The following NUP98 variants were observed in gnomAD, a reference collection of about 807,000 sequenced individuals.
The protein encoded by NUP98 is nuclear pore complex protein Nup98-Nup96.
Under a neutral mutation model 191.9 loss-of-function variants are expected in NUP98, and 26 were observed. That is an observed-to-expected ratio of 0.14 (90% CI 0.10 to 0.19). The LOEUF is 0.19. NUP98 is among the 10% of genes least tolerant of loss of function. The pLI is 1.00. For synonymous variants in NUP98, 808 were observed against 778.4 expected, an observed-to-expected ratio of 1.04 and a Z score of -0.63; for missense variants, 1,941 against 2,178.8, an observed-to-expected ratio of 0.89 and a Z score of 2.17.
At chr11:3,688,132 C>T (rs1264827034) in intron 28 of NUP98, among the ~76,000 whole-genome samples, 7 of 151,884 alleles carry the variant, frequency 4.6e-5, no homozygotes, top group Admixed American at 2.0e-4. Context: ...TGGCCGGGCA[C>T]GGTGGCTCAC....
rs36045405 is a variant in NUP98, at chr11:3,729,543, C to CAAAA, written c.1730+1844_1730+1847dup. Among the ~76,000 whole-genome samples, 328 of 55,698 alleles carry CAAAA rather than the reference C, an allele frequency of 5.9e-3. 1 individual carries two copies. Among genetic ancestry groups the CAAAA allele is most frequent in the Non-Finnish European group, 6.3e-3 (192 of 30,344 alleles). 36.5% of individuals were successfully genotyped at this position (55,698 alleles called of 152,430 possible). On this transcript the variant is annotated intron_variant, in intron 14 of 32. Coordinates refer to ENST00000324932, the MANE Select transcript of NUP98 (RefSeq NM_016320.5). ...GCAACACAGAAAGACCCTGTATCTC[C>CAAAA]AAAAAAAAAAAAAAAAAAAAAAAAA...
At chr11:3,677,003 A>G (rs1422327778) in intron 31 of NUP98, among the ~76,000 whole-genome samples, 3 of 152,242 alleles carry the variant, frequency 2.0e-5, no homozygotes, top group African/African-American at 7.2e-5. Flanking sequence ...CCTGACTCCA[A>G]GTTTATAGCC....
rs759015069 is a variant in NUP98 at position 3,753,381 on chromosome 11, C to T, written c.1202G>A (p.Ser401Asn). The T allele has an allele frequency of 1.3e-5, 21 of 1,614,004 alleles. No individual in the cohort carries two copies. Among genetic ancestry groups the T allele is most frequent in the Non-Finnish European group, 1.6e-5 (19 of 1,179,928 alleles). Residue 401 changes from serine to asparagine, a missense_variant, in exon 11 of 33, where the codon AGT becomes AAT. Coordinates refer to ENST00000324932, the MANE Select transcript of NUP98 (RefSeq NM_016320.5). ...FGFGTNTSGNSIFGSKPAPGT... is the reference protein window; with the variant it reads ...FGFGTNTSGNNIFGSKPAPGT... ...AGGTGCTGGTTTACTTCCAAAAATA[C>T]TATTCCCACTGGTATTTGTGCCAAA...
In NUP98 at chr11:3,778,796, A is replaced by C. The variant is rs2081844345; in HGVS notation, c.355+77T>G. ...AGGAAAAGAAGGTAGATGAACACAG[A>C]AAAACGGAGAAAAGACAACACATTC... On this transcript the variant is annotated intron_variant, in intron 4 of 32. Transcript: ENST00000324932. 3 of 1,452,608 alleles carry C rather than the reference A, an allele frequency of 2.1e-6. No individual in the cohort carries two copies. In the East Asian group the frequency reaches 6.8e-5, roughly 33 times the overall value. 90.0% of individuals were successfully genotyped at this position (1,452,608 alleles called of 1,614,324 possible).
chr11:3,747,842 G>A (rs188466485), intron 11 of NUP98, among the ~76,000 whole-genome samples: 6 of 152,186 alleles, frequency 3.9e-5, no homozygotes, highest in Non-Finnish European at 8.8e-5. Flanking sequence ...GTTCAGGAAC[G>A]TGGGTGTTTA....
At position 3,702,570 on chromosome 11, in the gene NUP98, A is replaced by T; in HGVS notation, c.3405T>A (p.Thr1135=). The part of the protein sequence containing the change: ...SFRVGWGPNW[T]LANSGEQLNG... ...TCAGCTGTTCTCCACTATTAGCAAG[A>T]GTCCAGTTGGGGCCCCAACCAACAC... Residue 1135 remains threonine, a synonymous_variant, in exon 23 of 33, where the codon ACT becomes ACA. Coordinates refer to ENST00000324932, the MANE Select transcript of NUP98 (RefSeq NM_016320.5). 6.2e-7 allele frequency: 1 copy of T among 1,614,144 alleles called. No individual in the cohort carries two copies. The highest frequency in any genetic ancestry group is 8.5e-7 in the Non-Finnish European group (1 of 1,180,018).
intron 1 of NUP98, among the ~76,000 whole-genome samples, chr11:3,789,501 C>CTTTTT (rs914589009): frequency 4.9e-5 from 6 of 123,054 alleles, no homozygotes; most frequent in Non-Finnish European, 8.6e-5. Context: ...TTACCTATTT[C>CTTTTT]TTTTTTTTTT....
At position 3,754,816 on chromosome 11, in the gene NUP98, C is replaced by A. The variant is rs561514105; in HGVS notation, c.1175-1408G>T. Among the ~76,000 whole-genome samples, 6 of 151,950 alleles carry A rather than the reference C, an allele frequency of 3.9e-5. No homozygotes were observed. The East Asian group carries it at 1.2e-3, about 30-fold the overall frequency. ...AATTAGCTGGGTGTGGTGGTGCACACCCAGAATCCCAACCACTTGGGAGGC... is the reference window on the plus strand; with the variant it reads ...AATTAGCTGGGTGTGGTGGTGCACAACCAGAATCCCAACCACTTGGGAGGC... On this transcript the variant is annotated intron_variant, in intron 10 of 32. Transcript: ENST00000324932.
chr11:3,685,905 G>T (rs2078120005), intron 29 of NUP98, 68 bp downstream of exon 29: 2 of 1,251,028 alleles, frequency 1.6e-6, no homozygotes, highest in African/African-American at 1.5e-5. Context: ...AACCCTGAAA[G>T]ACTGATTCCT....
chr11:3,770,982 C>T (rs1033140534), intron 7 of NUP98, among the ~76,000 whole-genome samples: 1 of 152,148 alleles, frequency 6.6e-6, no homozygotes, highest in Non-Finnish European at 1.5e-5. Flanking sequence ...CCTGCCTCAG[C>T]CTCCCAAGTA....
Position 3,700,678 on chromosome 11 carries a change from C to A in NUP98, c.3674G>T (p.Gly1225Val). ...TGCATAGTCATGAATGACAGCAACT[C>A]CCAGATTGGGGACAATGAGAGGACA... is the stretch of plus-strand genomic sequence containing the variant. ...ELCPLIVPNL[G>V]VAVIHDYADW... Residue 1225 changes from glycine (G) to valine (V), a missense_variant, in exon 24 of 33, where the codon GGA becomes GTA. By Grantham distance (109) the Gly-to-Val change is moderately radical (BLOSUM62 -3). Coordinates refer to ENST00000324932, the MANE Select transcript of NUP98 (RefSeq NM_016320.5). 3.1e-6 allele frequency: 5 copies of A among 1,614,188 alleles called. No homozygotes were observed. The highest frequency in any genetic ancestry group is 4.2e-6 in the Non-Finnish European group (5 of 1,180,028).
intron 11 of NUP98, among the ~76,000 whole-genome samples, chr11:3,747,395 T>A (rs969036458): frequency 6.6e-6 from 1 of 152,182 alleles, no homozygotes; most frequent in Non-Finnish European, 1.5e-5. Flanking sequence ...TAGCCATTAC[T>A]TCAAGGAAAA....
At chr11:3,761,396 G>A (rs1482138417) in intron 9 of NUP98, among the ~76,000 whole-genome samples, 1 of 152,156 alleles carries the variant, frequency 6.6e-6, no homozygotes, top group Non-Finnish European at 1.5e-5. Context: ...AAAGGCCAAG[G>A]CGGAAGGATC....
In NUP98 at chr11:3,699,252, A is replaced by G. The variant is rs145568092; in HGVS notation, c.3839T>C (p.Ile1280Thr). Residue 1280 changes from isoleucine to threonine, a missense_variant, in exon 25 of 33, where the codon ATT becomes ACT. Ile to Thr is a moderately conservative substitution (Grantham distance 89, BLOSUM62 -1). Transcript: ENST00000324932. ...AGCTCTTCTTCGCTCCAGAATTTGA[A>G]TGTATTCACGGGGTTCATTTAGCTG... ...DSQLNEPREY[I>T]QILERRRAFS... 2.5e-6 allele frequency: 4 copies of G among 1,614,042 alleles called. No individual in the cohort carries two copies. The highest frequency in any genetic ancestry group is 1.3e-5 in the African/African-American group (1 of 74,906).
chr11:3,712,010 A>G, intron 20 of NUP98: 1 of 1,049,230 alleles, frequency 9.5e-7, no homozygotes, highest in Non-Finnish European at 1.2e-6. Context: ...TGTAGGCCCT[A>G]ATCTCCCCAA....
intron 1 of NUP98, among the ~76,000 whole-genome samples, chr11:3,796,896 CA>C (rs1015457473): frequency 6.6e-6 from 1 of 152,238 alleles, no homozygotes; most frequent in African/African-American, 2.4e-5. Context: ...CCTTTTGCTC[CA>C]CCGAACCGAC....
intron 24 of NUP98, among the ~76,000 whole-genome samples, chr11:3,700,353 T>C (rs943595573): frequency 4.6e-5 from 7 of 152,208 alleles, no homozygotes; most frequent in Non-Finnish European, 5.9e-5. Flanking sequence ...AATTCAATTT[T>C]ATAAATCCAA....
At chr11:3,728,026 C>T (rs1248863074) in intron 14 of NUP98, among the ~76,000 whole-genome samples, 1 of 151,724 alleles carries the variant, frequency 6.6e-6, no homozygotes, top group African/African-American at 2.4e-5. Context: ...GTCTCAAAAA[C>T]AAAAAAATAA....
intron 31 of NUP98, among the ~76,000 whole-genome samples, chr11:3,679,021 G>A (rs925538173): frequency 3.3e-5 from 5 of 151,394 alleles, no homozygotes; most frequent in East Asian, 1.9e-4. Flanking sequence ...TACTTGGGAG[G>A]CTGGGGCATG....
Sources: gnomAD v4.1 joint callset for allele counts (sites outside exome capture counted in the v4.1 genomes callset) on GRCh38, gnomAD v4.1.1 for gene constraint, MANE v1.5 for transcripts, NCBI Gene and HGNC (gene_info 2026-07-23, HGNC 2026-07-21) for gene names.